The following NBEA variants were observed in gnomAD, a reference collection of about 807,000 sequenced individuals.
NBEA encodes the protein neurobeachin, also known as lysosomal-trafficking regulator 2.
In NBEA, 44 loss-of-function variants were observed where a neutral mutation model predicts 343.4. The ratio of observed to expected loss-of-function variants is 0.13; its 90% CI spans 0.10 to 0.16. The LOEUF is 0.16. Among genes scored for constraint, NBEA ranks in the 10% least tolerant of loss-of-function variants. The pLI is 1.00. For synonymous variants in NBEA, 1,175 were observed against 1,238.7 expected (o/e 0.95, Z 1.08); for missense variants, 2,555 against 3,631.3 (o/e 0.70, Z 7.62).
In NBEA at chr13:35,061,060, ACATACGGGCTT is replaced by A. The variant is rs1408596854; in HGVS notation, c.1239+2199_1239+2209del. Among the ~76,000 whole-genome samples the A allele has an allele frequency of 2.0e-5, 3 of 151,700 alleles. No individual in the cohort carries two copies. In the East Asian group the frequency reaches 5.8e-4, roughly 29 times the overall value. On this transcript the variant is annotated intron_variant, in intron 8 of 58. Transcript: ENST00000379939. Reference sequence around the variant, plus strand: ...TGAGCTTAGTGTAGATAGCATGTCAACATACGGGCTTCGAAATTAATAAAATAAGTTAATTC... The same window carrying A: ...TGAGCTTAGTGTAGATAGCATGTCAACGAAATTAATAAAATAAGTTAATTC...
intron 1 of NBEA, 84 bp from the exon 2 acceptor site, chr13:35,040,849 C>T (rs2062623958): frequency 3.4e-6 from 4 of 1,166,564 alleles, no homozygotes; most frequent in Non-Finnish European, 2.5e-6. Flanking sequence ...AGAGTAGTAG[C>T]TTTGAATTCT....
intron 27 of NBEA, among the ~76,000 whole-genome samples, chr13:35,174,990 A>G (rs932876461): frequency 6.6e-6 from 1 of 151,732 alleles, no homozygotes; most frequent in Non-Finnish European, 1.5e-5. Context: ...ACGGGGTTTC[A>G]CCACATTGGC....
chr13:35,510,564 T>A (rs1176133000), intron 41 of NBEA, among the ~76,000 whole-genome samples: 2 of 152,178 alleles, frequency 1.3e-5, no homozygotes, highest in African/African-American at 2.4e-5. Flanking sequence ...CCAGATTTTT[T>A]ACCGTATTAC....
chr13:35,214,194 A>G (rs1392737442), intron 33 of NBEA, among the ~76,000 whole-genome samples: 1 of 151,932 alleles, frequency 6.6e-6, no homozygotes, highest in Non-Finnish European at 1.5e-5. Flanking sequence ...GTTATAAATA[A>G]TGATTCTATA....
At chr13:35,447,250 C>T (rs1452328427) in intron 39 of NBEA, among the ~76,000 whole-genome samples, 1 of 151,896 alleles carries the variant, frequency 6.6e-6, no homozygotes, top group Admixed American at 6.6e-5. Flanking sequence ...TTAACTTATG[C>T]TTATTTAAAA....
rs146236824 is a variant in NBEA at position 35,510,165 on chromosome 13, G to A, written c.6585+37629G>A. 1.8e-3 allele frequency among the ~76,000 whole-genome samples: 278 copies of A among 152,254 alleles called. 1 individual carries two copies. Among genetic ancestry groups the A allele is most frequent in the Non-Finnish European group, 3.1e-3 (209 of 68,018 alleles). ...TGTAGAGGAGATTAAGACTGTGAGC[G>A]TTTGAATGGAGAATTGAAAGAACAA... is the stretch of plus-strand genomic sequence containing the variant. On this transcript the variant is annotated intron_variant, in intron 41 of 58. Transcript: ENST00000379939.
chr13:35,171,313 T>C lies in NBEA; in HGVS notation c.4284T>C (p.Ala1428=). ...TTGAAGTGACACAAGGCATGTCAGCTGAGACAGCAGTAACTTTCCTCAGCC... is the reference window on the plus strand; with the variant it reads ...TTGAAGTGACACAAGGCATGTCAGCCGAGACAGCAGTAACTTTCCTCAGCC... The part of the protein sequence containing the change: ...ENIEVTQGMS[A]ETAVTFLSRL... Residue 1428 remains alanine (A), a synonymous_variant, in exon 26 of 59, where the codon GCT becomes GCC. Transcript: ENST00000379939. The C allele has an allele frequency of 1.2e-6, 2 of 1,612,436 alleles. No homozygotes were observed. Among genetic ancestry groups the C allele is most frequent in the Non-Finnish European group, 1.7e-6 (2 of 1,178,844 alleles).
chr13:34,992,598 G>A (rs1181137868), intron 1 of NBEA, among the ~76,000 whole-genome samples: 2 of 151,968 alleles, frequency 1.3e-5, no homozygotes, highest in East Asian at 1.9e-4. Context: ...ACTTGGTAAC[G>A]AGGTATTTGA....
At chr13:35,286,650 T>C (rs905397475) in intron 34 of NBEA, among the ~76,000 whole-genome samples, 11 of 152,114 alleles carry the variant, frequency 7.2e-5, no homozygotes, top group Non-Finnish European at 1.3e-4. Context: ...TAAAATAATA[T>C]CATTGTACCT....
intron 41 of NBEA, among the ~76,000 whole-genome samples, chr13:35,490,730 TTATC>T (rs2076472525): frequency 8.2e-6 from 1 of 121,874 alleles, no homozygotes; most frequent in African/African-American, 3.0e-5. Flanking sequence ...GCTAGGTGCT[TTATC>T]TATATTACTG....
At chr13:35,357,209 A>G (rs942207439) in intron 38 of NBEA, among the ~76,000 whole-genome samples, 4 of 152,218 alleles carry the variant, frequency 2.6e-5, no homozygotes, top group South Asian at 2.1e-4. Flanking sequence ...GAGCTTTATA[A>G]TCAACATTAA....
intron 44 of NBEA, among the ~76,000 whole-genome samples, chr13:35,555,937 T>A (rs899849288): frequency 6.6e-6 from 1 of 152,068 alleles, no homozygotes; most frequent in Middle Eastern, 3.2e-3. Context: ...AATATTACTC[T>A]TTTTTAATCT....
chr13:34,946,352 A>G (rs368534905), intron 1 of NBEA, among the ~76,000 whole-genome samples: 1 of 152,184 alleles, frequency 6.6e-6, no homozygotes, highest in Admixed American at 6.5e-5. Context: ...ATATGTTTAT[A>G]TAAGCTTTAT....
intron 47 of NBEA, among the ~76,000 whole-genome samples, chr13:35,600,087 A>G (rs1396536656): frequency 6.6e-6 from 1 of 152,186 alleles, no homozygotes; most frequent in African/African-American, 2.4e-5. Flanking sequence ...ATTAGCAGCA[A>G]TCATAAATGG....
intron 10 of NBEA, among the ~76,000 whole-genome samples, chr13:35,093,992 TAAGAG>T (rs1555301627): frequency 6.6e-6 from 1 of 151,830 alleles, no homozygotes; most frequent in Non-Finnish European, 1.5e-5. Flanking sequence ...TATAGTAATA[TAAGAG>T]ATTTATAATG....
chr13:35,311,725 G>T (rs1488767441), intron 36 of NBEA, among the ~76,000 whole-genome samples: 1 of 152,008 alleles, frequency 6.6e-6, no homozygotes, highest in African/African-American at 2.4e-5. Context: ...GTGGTGGCAG[G>T]TGCCCGTAAT....
At chr13:35,670,429 T>C (rs2085558503) in intron 58 of NBEA, among the ~76,000 whole-genome samples, 1 of 152,110 alleles carries the variant, frequency 6.6e-6, no homozygotes, top group African/African-American at 2.4e-5. Context: ...CATCTGGGGC[T>C]TCAGAATGAG....
At chr13:35,088,296 A>G (rs1340126137) in intron 10 of NBEA, among the ~76,000 whole-genome samples, 4 of 151,926 alleles carry the variant, frequency 2.6e-5, no homozygotes. Context: ...GTTTAATATA[A>G]TTAGGAAAAC....
intron 54 of NBEA, 112 bp from the exon 55 acceptor site, chr13:35,655,467 A>C (rs1195821908): frequency 3.2e-5 from 37 of 1,170,568 alleles, no homozygotes; most frequent in Non-Finnish European, 4.3e-5. Flanking sequence ...CAAAACTGGT[A>C]AAATAAAATT....
Sources: gnomAD v4.1 joint callset for allele counts (sites outside exome capture counted in the v4.1 genomes callset) on GRCh38, gnomAD v4.1.1 for gene constraint, MANE v1.5 for transcripts, NCBI Gene and HGNC (gene_info 2026-07-23, HGNC 2026-07-21) for gene names.